The following MTREX variants were observed in gnomAD, a reference collection of about 807,000 sequenced individuals.
MTREX encodes the protein exosome RNA helicase MTR4.
Under a neutral mutation model 135.4 loss-of-function variants are expected in MTREX, and 76 were observed. The observed-to-expected ratio is 0.56, with a 90% confidence interval of 0.47 to 0.68. MTREX has a LOEUF of 0.68. MTREX is among the 30% of genes least tolerant of loss of function. The pLI, the probability that MTREX is intolerant of heterozygous loss-of-function variation, is 0.00. For missense variants in MTREX, 920 were observed against 1,262.1 expected (o/e 0.73, Z 4.11); for synonymous variants, 404 against 401.6 (o/e 1.01, Z -0.07).
intron 21 of MTREX, among the ~76,000 whole-genome samples, chr5:55,401,029 G>A (rs547552170): frequency 3.3e-5 from 5 of 152,022 alleles, no homozygotes; most frequent in East Asian, 3.9e-4. Flanking sequence ...GTGTGCGTGC[G>A]TCCGTGCATG....
rs752770669 is a variant in MTREX, at chr5:55,328,728, AAG to A, written c.437_438del (p.Glu146GlyfsTer6). 1 of 1,613,186 alleles carries A rather than the reference AAG, an allele frequency of 6.2e-7. No individual in the cohort carries two copies. Among genetic ancestry groups the A allele is most frequent in the African/African-American group, 1.3e-5 (1 of 74,906 alleles). On this transcript the variant is annotated frameshift_variant, in exon 5 of 27. Coordinates refer to ENST00000230640, the MANE Select transcript of MTREX (RefSeq NM_015360.5). LOFTEE classifies it high-confidence loss of function. ...EYPFILDAFQ[R>X]EAIQCVDNNQ... ...ACCCGTTCATTCTTGATGCTTTTCA[AAG>A]AGAGGCCATTCAGTGTGTTGACAAT... is the stretch of plus-strand genomic sequence containing the variant.
At chr5:55,408,195 T>G (rs549242657) in intron 22 of MTREX, among the ~76,000 whole-genome samples, 1 of 152,336 alleles carries the variant, frequency 6.6e-6, no homozygotes, top group East Asian at 1.9e-4. Flanking sequence ...ATGCTTTTCC[T>G]TTTGCTTCAT....
chr5:55,425,116 A>G lies in MTREX; in HGVS notation c.*344A>G. On this transcript the variant is annotated 3_prime_UTR_variant, in exon 27 of 27. Coordinates refer to ENST00000230640, the MANE Select transcript of MTREX (RefSeq NM_015360.5). Reference sequence around the variant, plus strand: ...GCAGCAGAAGTCTTTAAAGGCTTGTACACCAGGAAGAAAGATGCATCCTCT... The same window carrying G: ...GCAGCAGAAGTCTTTAAAGGCTTGTGCACCAGGAAGAAAGATGCATCCTCT... The G allele has an allele frequency of 1.4e-6, 2 of 1,480,516 alleles. No homozygotes were observed. Among genetic ancestry groups the G allele is most frequent in the Admixed American group, 2.2e-5 (1 of 45,600 alleles). The allele number at this position is 1,480,516 out of a possible 1,614,324, so 91.7% of individuals were successfully genotyped here. A position where few individuals can be genotyped will look rare whatever the true frequency, so the allele number is the denominator to read the frequency against.
At chr5:55,418,384 C>T (rs1751005654) in intron 25 of MTREX, among the ~76,000 whole-genome samples, 1 of 147,054 alleles carries the variant, frequency 6.8e-6, no homozygotes, top group African/African-American at 2.5e-5. Flanking sequence ...TAGAAGTTAT[C>T]ACAGTATGGA....
chr5:55,373,014 CTTTAGGCCTTAGA>C (rs1161997667), intron 16 of MTREX, among the ~76,000 whole-genome samples: 1 of 150,518 alleles, frequency 6.6e-6, no homozygotes, highest in Non-Finnish European at 1.5e-5. Flanking sequence ...CGTTGGGGCA[CTTTAGGCCTTAGA>C]AATAGGCCTT....
intron 7 of MTREX, among the ~76,000 whole-genome samples, 179 bp downstream of exon 7, chr5:55,341,950 T>G (rs1397463175): frequency 6.6e-6 from 1 of 152,222 alleles, no homozygotes; most frequent in Non-Finnish European, 1.5e-5. Context: ...CTCTGTTGCC[T>G]AGGTTGAAGT....
At chr5:55,309,835 A>G (rs1420108932) in intron 1 of MTREX, among the ~76,000 whole-genome samples, 3 of 152,214 alleles carry the variant, frequency 2.0e-5, no homozygotes, top group Non-Finnish European at 4.4e-5. Context: ...ACATAAGCCT[A>G]AATAAGAGAT....
chr5:55,326,961 G>C (rs909223753), intron 3 of MTREX, among the ~76,000 whole-genome samples: 1 of 152,114 alleles, frequency 6.6e-6, no homozygotes, highest in Non-Finnish European at 1.5e-5. Context: ...TTGGTTTTGT[G>C]TTGTTGTGAT....
chr5:55,411,235 A>T (rs1479680379), intron 23 of MTREX, among the ~76,000 whole-genome samples: 1 of 152,236 alleles, frequency 6.6e-6, no homozygotes. Context: ...TCCAAAAACC[A>T]GTTTGATTCA....
intron 16 of MTREX, among the ~76,000 whole-genome samples, chr5:55,376,268 A>G (rs1180023141): frequency 6.6e-6 from 1 of 152,242 alleles, no homozygotes; most frequent in East Asian, 1.9e-4. Flanking sequence ...TCAGTCATAT[A>G]GGAATATGGG....
intron 12 of MTREX, 146 bp from the exon 13 acceptor site, chr5:55,350,773 G>A: frequency 5.9e-6 from 4 of 674,514 alleles, no homozygotes; most frequent in South Asian, 1.9e-5. Context: ...GAGAATATAG[G>A]TTTGAGTTTT....
chr5:55,334,048 T>C (rs189799497), intron 5 of MTREX, among the ~76,000 whole-genome samples: 89 of 152,234 alleles, frequency 5.8e-4, no homozygotes, highest in African/African-American at 2.0e-3. Context: ...TTGAAAACAT[T>C]ATGCGTACTA....
At position 55,344,535 on chromosome 5, in the gene MTREX, T is replaced by C. The variant is rs1749700177; in HGVS notation, c.920T>C (p.Ile307Thr). 6.2e-7 allele frequency: 1 copy of C among 1,608,170 alleles called. No individual in the cohort carries two copies. Among genetic ancestry groups the C allele is most frequent in the Non-Finnish European group, 8.5e-7 (1 of 1,175,034 alleles). ...CHLHKQPCHVIYTDYRPTPLQ... is the reference protein window; with the variant it reads ...CHLHKQPCHVTYTDYRPTPLQ... ...TTCTTTTTACAGCCTTGTCATGTTA[T>C]TTACACAGATTATCGGCCCACTCCA... The change falls in exon 9 of 27, where the codon ATT becomes ACT. Residue 307 changes from isoleucine (I) to threonine (T), a missense_variant. Ile to Thr is a moderately conservative substitution (Grantham distance 89). Coordinates refer to ENST00000230640, the MANE Select transcript of MTREX (RefSeq NM_015360.5).
chr5:55,370,952 A>G (rs910718887), intron 16 of MTREX, among the ~76,000 whole-genome samples: 1 of 152,276 alleles, frequency 6.6e-6, no homozygotes, highest in African/African-American at 2.4e-5. Flanking sequence ...TGGCTCACAT[A>G]CATGAGATGT....
intron 16 of MTREX, 69 bp from the exon 17 acceptor site, chr5:55,378,245 C>A (rs1270558307): frequency 1.4e-6 from 2 of 1,460,836 alleles, no homozygotes; most frequent in Non-Finnish European, 1.8e-6. Flanking sequence ...TAGAAAAAAT[C>A]CTATGTCTTG....
chr5:55,384,046 C>A (rs1750440344), intron 18 of MTREX, among the ~76,000 whole-genome samples: 1 of 152,216 alleles, frequency 6.6e-6, no homozygotes, highest in Non-Finnish European at 1.5e-5. Flanking sequence ...CCTGGGATTA[C>A]ATTTGTGAAC....
At chr5:55,395,235 G>A (rs1198507086) in intron 19 of MTREX, among the ~76,000 whole-genome samples, 3 of 151,116 alleles carry the variant, frequency 2.0e-5, no homozygotes, top group East Asian at 2.0e-4. Context: ...GCGAAACCCC[G>A]TCTCTACTAA....
chr5:55,422,981 A>C lies in MTREX; in HGVS notation c.3075A>C (p.Glu1025Asp). 1 of 1,611,728 alleles carries C rather than the reference A, an allele frequency of 6.2e-7. No homozygotes were observed. ...GNTELENKFA[E>D]GITKIKRDIV... is the part of the protein sequence containing the mutation. ...CTGAGCTGGAAAATAAATTTGCAGA[A>C]GGTCAGTATCAAATGGATAAGCTGT... Residue 1025 changes from glutamate to aspartate, a missense_variant and splice_region_variant, in exon 26 of 27, where the codon GAA (glutamate) becomes GAC (aspartate). Glu to Asp is a conservative substitution (Grantham distance 45). Coordinates refer to ENST00000230640, the MANE Select transcript of MTREX (RefSeq NM_015360.5).
intron 3 of MTREX, among the ~76,000 whole-genome samples, chr5:55,325,253 T>C (rs1749357323): frequency 6.6e-6 from 1 of 151,686 alleles, no homozygotes; most frequent in South Asian, 2.1e-4. Flanking sequence ...AACTTCAGAT[T>C]CAGGAGGTGG....
Sources: allele counts gnomAD v4.1 joint callset (sites outside exome capture counted in the v4.1 genomes callset), GRCh38; gene constraint gnomAD v4.1.1; transcripts MANE v1.5; gene names NCBI Gene and HGNC (gene_info 2026-07-23, HGNC 2026-07-21).